SLA: variants seen among roughly 807,000 people sequenced by gnomAD.
SLA encodes the protein Src like adaptor.
A neutral mutation model predicts 30.3 loss-of-function variants in SLA; 16 were observed. The ratio of observed to expected loss-of-function variants is 0.53; its 90% CI spans 0.36 to 0.80. SLA has a LOEUF of 0.80. Among genes scored for constraint, SLA ranks in the 30% least tolerant of loss-of-function variants. SLA has a pLI of 0.01. For synonymous variants in SLA, 143 were observed against 137.8 expected (o/e 1.04, Z -0.26); for missense variants, 310 against 345.2 (o/e 0.90, Z 0.81).
intron 1 of SLA, among the ~76,000 whole-genome samples, chr8:133,084,956 T>A (rs1414797081): frequency 2.6e-5 from 4 of 152,224 alleles, no homozygotes; most frequent in Non-Finnish European, 5.9e-5. Flanking sequence ...CAGCAGTGGG[T>A]GATTTGGGAC....
chr8:133,064,229 T>A (rs1842773778), intron 2 of SLA: 1 of 152,258 alleles, frequency 6.6e-6, no homozygotes, highest in Admixed American at 6.5e-5. Flanking sequence ...GCGAGCCTGA[T>A]AACCCCATTT....
chr8:133,040,796 G>A (rs1226322023), intron 7 of SLA, among the ~76,000 whole-genome samples: 5 of 152,076 alleles, frequency 3.3e-5, no homozygotes, highest in Non-Finnish European at 7.4e-5. Flanking sequence ...ACACAGGAAG[G>A]GAGGGAAGAG....
At chr8:133,075,493 T>C (rs144221897) in intron 1 of SLA, among the ~76,000 whole-genome samples, 103 of 152,350 alleles carry the variant, frequency 6.8e-4, no homozygotes, top group African/African-American at 2.4e-3. Flanking sequence ...GGCAGTTGTT[T>C]GAATATATAC....
intron 4 of SLA, chr8:133,050,539 A>G (rs865870455): frequency 3.6e-5 from 13 of 358,286 alleles, no homozygotes; most frequent in African/African-American, 2.3e-4. Context: ...GTGGTGGGAG[A>G]TAAGAAGAAT....
chr8:133,098,589 C>G (rs920225719), intron 1 of SLA, among the ~76,000 whole-genome samples: 1 of 152,212 alleles, frequency 6.6e-6, no homozygotes, highest in Non-Finnish European at 1.5e-5. Flanking sequence ...GTACTGAAAA[C>G]TTTTCATGGC....
At chr8:133,101,240 G>A (rs995135307) in intron 1 of SLA, among the ~76,000 whole-genome samples, 1 of 152,204 alleles carries the variant, frequency 6.6e-6, no homozygotes, top group African/African-American at 2.4e-5. Context: ...AGGGCACAGT[G>A]GACAACCAAG....
chr8:133,097,971 G>C (rs924540306), intron 1 of SLA, among the ~76,000 whole-genome samples: 3 of 152,066 alleles, frequency 2.0e-5, no homozygotes, highest in African/African-American at 7.2e-5. Context: ...TGTGTTGCAA[G>C]GGGGGGTGTC....
At chr8:133,099,773 A>G (rs1352367667) in intron 1 of SLA, among the ~76,000 whole-genome samples, 3 of 152,192 alleles carry the variant, frequency 2.0e-5, no homozygotes, top group Non-Finnish European at 4.4e-5. Context: ...GCATTCTATC[A>G]GAAAATCCAG....
intron 1 of SLA, chr8:133,095,136 G>A: frequency 6.2e-7 from 1 of 1,614,206 alleles, no homozygotes; most frequent in Non-Finnish European, 8.5e-7. Context: ...GTTGCCCCAT[G>A]TCATCCAGCC....
chr8:133,080,359 C>T (rs1317801930), intron 1 of SLA, among the ~76,000 whole-genome samples: 1 of 152,162 alleles, frequency 6.6e-6, no homozygotes, highest in African/African-American at 2.4e-5. Flanking sequence ...TAGGGCTTAA[C>T]ATAGTTGCCT....
intron 2 of SLA, among the ~76,000 whole-genome samples, chr8:133,064,668 G>A (rs544369236): frequency 7.2e-5 from 11 of 152,206 alleles, no homozygotes; most frequent in African/African-American, 2.4e-4. Context: ...CGTTGCCGTC[G>A]ACAACGTGGG....
At chr8:133,094,242 C>CTTTTTT (rs765931953) in intron 1 of SLA, among the ~76,000 whole-genome samples, 2 of 126,574 alleles carry the variant, frequency 1.6e-5, no homozygotes, top group Non-Finnish European at 1.6e-5. Context: ...CTGTCGTTTT[C>CTTTTTT]TTTTTTTTTT....
rs1208402154 is a variant in SLA, at chr8:133,037,934, AG to A, written c.*589del. On this transcript the variant is annotated 3_prime_UTR_variant, in exon 9 of 9. Coordinates refer to ENST00000338087, the MANE Select transcript of SLA (RefSeq NM_001045556.3). ...TGGCTTTGGTGCAGGAGCAGACCAAAGGTATCTCCCAATTGAAGGCTAAGAA... is the reference window on the plus strand; with the variant it reads ...TGGCTTTGGTGCAGGAGCAGACCAAAGTATCTCCCAATTGAAGGCTAAGAA... 2 of 153,252 alleles carry A rather than the reference AG, an allele frequency of 1.3e-5. No individual in the cohort carries two copies. The highest frequency in any genetic ancestry group is 3.9e-4 in the East Asian group (2 of 5,188). The allele number at this position is 153,252 out of a possible 1,614,324, so 9.5% of individuals were successfully genotyped here.
chr8:133,042,676 G>GTGTT (rs1838483510), intron 7 of SLA, among the ~76,000 whole-genome samples: 1 of 55,582 alleles, frequency 1.8e-5, no homozygotes, highest in Non-Finnish European at 3.4e-5. Context: ...CTCATTCTGT[G>GTGTT]TCTTTTTTTT....
chr8:133,041,764 C>A (rs1181998708), intron 7 of SLA, among the ~76,000 whole-genome samples: 2 of 150,870 alleles, frequency 1.3e-5, no homozygotes, highest in African/African-American at 4.9e-5. Flanking sequence ...CTCATTGAGG[C>A]CTTGATCAGC....
At position 133,067,121 on chromosome 8, in the gene SLA, C is replaced by T. The variant is rs116181458; in HGVS notation, c.-40-6921G>A. Reference sequence around the variant, plus strand: ...AGAGCTGGCACAGGGGCTTAGCATCCGGTGGTCTCCCTGGCAGGATTTCCG... The same window carrying T: ...AGAGCTGGCACAGGGGCTTAGCATCTGGTGGTCTCCCTGGCAGGATTTCCG... On this transcript the variant is annotated intron_variant, in intron 2 of 8. Coordinates refer to ENST00000338087, the MANE Select transcript of SLA (RefSeq NM_001045556.3). 3.6e-3 allele frequency among the ~76,000 whole-genome samples: 548 copies of T among 152,268 alleles called. 4 individuals are homozygous for T. Among genetic ancestry groups the T allele is most frequent in the African/African-American group, 0.012 (518 of 41,554 alleles).
At position 133,047,864 on chromosome 8, in the gene SLA, G is replaced by C. The variant is rs1839742132; in HGVS notation, c.318C>G (p.Gly106=). 6.2e-7 allele frequency: 1 copy of C among 1,611,254 alleles called. No homozygotes were observed. Among genetic ancestry groups the C allele is most frequent in the African/African-American group, 1.3e-5 (1 of 74,870 alleles). The change falls in exon 6 of 9, where the codon GGC becomes GGG. Residue 106 remains glycine (G), a synonymous_variant. Coordinates refer to ENST00000338087, the MANE Select transcript of SLA (RefSeq NM_001045556.3). ...ELLQLPDTKV[G]SFMIRESETK... is the part of the protein sequence containing the mutation. Reference sequence around the variant, plus strand: ...TCTCACTCTCTCTGATCATGAAGGAGCCGACCTTTGTGTCTGGCAGCTGCA... The same window carrying C: ...TCTCACTCTCTCTGATCATGAAGGACCCGACCTTTGTGTCTGGCAGCTGCA...
At chr8:133,062,700 C>T (rs2131348401) in intron 2 of SLA, among the ~76,000 whole-genome samples, 1 of 152,206 alleles carries the variant, frequency 6.6e-6, no homozygotes, top group African/African-American at 2.4e-5. Context: ...ATGCCTGTGA[C>T]ACGCACAGGG....
chr8:133,079,999 C>G (rs1280542649), intron 1 of SLA, among the ~76,000 whole-genome samples: 1 of 151,924 alleles, frequency 6.6e-6, no homozygotes, highest in Non-Finnish European at 1.5e-5. Flanking sequence ...TTTTGAACCC[C>G]TTCAATGTGT....
Sources: allele counts gnomAD v4.1 joint callset (sites outside exome capture counted in the v4.1 genomes callset), GRCh38; gene constraint gnomAD v4.1.1; transcripts MANE v1.5; gene names NCBI Gene and HGNC (gene_info 2026-07-23, HGNC 2026-07-21).